TRPM3: variants seen among roughly 807,000 people sequenced by gnomAD.
TRPM3 encodes transient receptor potential cation channel subfamily M member 3.
A neutral mutation model predicts 181.2 loss-of-function variants in TRPM3; 77 were observed. The ratio of observed to expected loss-of-function variants is 0.42; its 90% CI spans 0.35 to 0.51. The LOEUF (loss-of-function observed/expected upper bound fraction) is 0.51. TRPM3 is among the 20% of genes least tolerant of loss of function. The pLI is 0.01. For missense variants in TRPM3, 1,759 were observed against 2,196.7 expected, an observed-to-expected ratio of 0.80 and a Z score of 3.98; for synonymous variants, 745 against 796.4, an observed-to-expected ratio of 0.94 and a Z score of 1.09.
intron 5 of TRPM3, among the ~76,000 whole-genome samples, chr9:70,828,249 G>A (rs1183461890): frequency 7.9e-5 from 12 of 152,134 alleles, no homozygotes; most frequent in Non-Finnish European, 1.5e-5. Flanking sequence ...TACTGAAATG[G>A]GGCAGAAAAT....
chr9:71,241,389 C>T (rs1219504335), intron 1 of TRPM3, among the ~76,000 whole-genome samples: 2 of 151,502 alleles, frequency 1.3e-5, no homozygotes, highest in African/African-American at 4.9e-5. Context: ...AGCAAACTAT[C>T]GCAAGGACAA....
chr9:71,099,655 A>G (rs975908186), intron 1 of TRPM3, among the ~76,000 whole-genome samples: 1 of 152,168 alleles, frequency 6.6e-6, no homozygotes, highest in African/African-American at 2.4e-5. Flanking sequence ...CCAACCATCC[A>G]CATGCCAGGA....
In TRPM3 at chr9:70,947,365, T is replaced by C. The variant is rs139920912; in HGVS notation, c.178-82854A>G. 2.5e-3 allele frequency among the ~76,000 whole-genome samples: 384 copies of C among 152,336 alleles called. 1 individual carries two copies. Among genetic ancestry groups the C allele is most frequent in the African/African-American group, 8.9e-3 (372 of 41,594 alleles). Reference sequence around the variant, plus strand: ...ACTTAGGTTTTTCTAGGTCAAAGCCTGTGCTCTATCTCCACTTTTTGTTTT... The same window carrying C: ...ACTTAGGTTTTTCTAGGTCAAAGCCCGTGCTCTATCTCCACTTTTTGTTTT... On this transcript the variant is annotated intron_variant, in intron 1 of 25. Coordinates refer to ENST00000677713, the MANE Select transcript of TRPM3 (RefSeq NM_001366145.2).
rs386415035 is a variant in TRPM3 at position 71,168,510 on chromosome 9, CTTTTTTT to C, written c.183+278136_183+278142del. On this transcript the variant is annotated intron_variant, in intron 1 of 24. Coordinates refer to the TRPM3 transcript ENST00000357533. ...ACCCTTCTTTAGCCCTGACATTTTT[CTTTTTTT>C]TTTTTTTTTTAAGGTGTGATTTATT... 1.4e-4 allele frequency among the ~76,000 whole-genome samples: 13 copies of C among 90,632 alleles called. No individual in the cohort carries two copies. In the East Asian group the frequency reaches 3.2e-3, roughly 22 times the overall value. 59.5% of individuals were successfully genotyped at this position (90,632 alleles called of 152,430 possible). A position where few individuals can be genotyped will look rare whatever the true frequency, so the allele number is the denominator to read the frequency against.
Position 70,535,570 on chromosome 9 carries a change from A to T in TRPM3, c.*383T>A, listed in dbSNP as rs750623501. ...TTTGCAATTTAGCCCTGCATCCTAC[A>T]ACTCTTGATAATGGTCAGAAATCAA... On this transcript the variant is annotated 3_prime_UTR_variant, in exon 26 of 26. Coordinates refer to ENST00000677713, the MANE Select transcript of TRPM3 (RefSeq NM_001366145.2). 1.1e-4 allele frequency: 162 copies of T among 1,523,012 alleles called. No homozygotes were observed. The highest frequency in any genetic ancestry group is 1.3e-4 in the Non-Finnish European group (151 of 1,138,042). The allele number at this position is 1,523,012 out of a possible 1,614,324, so 94.3% of individuals were successfully genotyped here. A position where few individuals can be genotyped will look rare whatever the true frequency, so the allele number is the denominator to read the frequency against.
intron 1 of TRPM3, among the ~76,000 whole-genome samples, chr9:70,982,388 T>C (rs1224877364): frequency 6.6e-6 from 1 of 152,124 alleles, no homozygotes; most frequent in African/African-American, 2.4e-5. Context: ...CTCTTGAAAA[T>C]GACAAATCCA....
chr9:71,096,440 A>G (rs543695628), intron 1 of TRPM3, among the ~76,000 whole-genome samples: 2 of 151,432 alleles, frequency 1.3e-5, no homozygotes, highest in Non-Finnish European at 2.9e-5. Flanking sequence ...ACCACATACT[A>G]TGTTGCCTCT....
chr9:71,135,828 A>G (rs2074731844), intron 1 of TRPM3, among the ~76,000 whole-genome samples: 1 of 152,252 alleles, frequency 6.6e-6, no homozygotes, highest in Admixed American at 6.5e-5. Context: ...TTTTCTCAGT[A>G]GAATGAAACA....
intron 1 of TRPM3, among the ~76,000 whole-genome samples, chr9:71,061,803 C>T (rs2061366596): frequency 1.3e-5 from 2 of 152,150 alleles, no homozygotes; most frequent in South Asian, 4.1e-4. Flanking sequence ...TTTTGCTTTG[C>T]TGATTTTACA....
At chr9:70,869,294 C>A (rs1280317305) in intron 1 of TRPM3, among the ~76,000 whole-genome samples, 4 of 151,942 alleles carry the variant, frequency 2.6e-5, no homozygotes, top group Non-Finnish European at 5.9e-5. Flanking sequence ...AAAAACAAAT[C>A]CCCGGAGAGA....
chr9:70,647,643 G>C (rs1302788100), intron 9 of TRPM3, among the ~76,000 whole-genome samples: 2 of 152,132 alleles, frequency 1.3e-5, no homozygotes, highest in African/African-American at 4.8e-5. Flanking sequence ...AGACAAGGAT[G>C]CCCACTCTCA....
chr9:71,273,341 A>G (rs2083948421), intron 1 of TRPM3, among the ~76,000 whole-genome samples: 2 of 152,156 alleles, frequency 1.3e-5, no homozygotes, highest in Non-Finnish European at 2.9e-5. Context: ...TACTGCAAAT[A>G]ATTTTGACAA....
At chr9:70,550,159 C>A (rs2046124380) in intron 24 of TRPM3, among the ~76,000 whole-genome samples, 1 of 152,172 alleles carries the variant, frequency 6.6e-6, no homozygotes. Flanking sequence ...CTAGCAGCAA[C>A]CACGAGGATC....
intron 1 of TRPM3, among the ~76,000 whole-genome samples, chr9:71,237,857 G>C (rs553354646): frequency 6.6e-6 from 1 of 152,258 alleles, no homozygotes; most frequent in East Asian, 1.9e-4. Context: ...AAAACAGAAG[G>C]GCAAGCTAGC....
At position 70,864,535 on chromosome 9, in the gene TRPM3, A is replaced by AAAAAAG. The variant is rs1554753033; in HGVS notation, c.178-25_178-24insCTTTTT. On this transcript the variant is annotated intron_variant, in intron 1 of 25. Coordinates refer to ENST00000677713, the MANE Select transcript of TRPM3 (RefSeq NM_001366145.2). ...GCCTGAAAAAGAAAACAAAAAAAAAAAAAAAAGAAAAAAGAAAGAAAGGTG... is the reference window on the plus strand; with the variant it reads ...GCCTGAAAAAGAAAACAAAAAAAAAAAAAAAGAAAAAAGAAAAAAGAAAGAAAGGTG... The AAAAAAG allele has an allele frequency of 2.5e-4, 362 of 1,465,376 alleles. No homozygotes were observed. In the African/African-American group the frequency reaches 4.9e-3, roughly 20 times the overall value. 90.8% of individuals were successfully genotyped at this position (1,465,376 alleles called of 1,614,324 possible). A position where few individuals can be genotyped will look rare whatever the true frequency, so the allele number is the denominator to read the frequency against.
intron 1 of TRPM3, among the ~76,000 whole-genome samples, chr9:70,963,417 G>A (rs1000718423): frequency 2.6e-5 from 4 of 152,098 alleles, no homozygotes; most frequent in East Asian, 1.9e-4. Flanking sequence ...AAGAGGGGGT[G>A]CAACATCAAA....
intron 1 of TRPM3, among the ~76,000 whole-genome samples, chr9:71,240,017 C>T (rs551385271): frequency 1.4e-3 from 216 of 152,132 alleles, no homozygotes; most frequent in African/African-American, 5.0e-3. Flanking sequence ...ACATTTGCAA[C>T]CTAAGAATTT....
intron 1 of TRPM3, among the ~76,000 whole-genome samples, chr9:71,307,256 A>G (rs927007187): frequency 4.6e-5 from 7 of 151,490 alleles, no homozygotes; most frequent in Non-Finnish European, 8.8e-5. Flanking sequence ...TTGTATTTTT[A>G]TTTCCTTTTT....
At chr9:70,620,700 T>C (rs2063491175) in intron 15 of TRPM3, among the ~76,000 whole-genome samples, 1 of 152,156 alleles carries the variant, frequency 6.6e-6, no homozygotes, top group Non-Finnish European at 1.5e-5. Flanking sequence ...ACTACCCTTT[T>C]TGCTGAAAGG....
Sources: allele counts gnomAD v4.1 joint callset (sites outside exome capture counted in the v4.1 genomes callset), GRCh38; gene constraint gnomAD v4.1.1; transcripts MANE v1.5; gene names NCBI Gene and HGNC (gene_info 2026-07-23, HGNC 2026-07-21).